Variants in MLXIP observed in about 807,000 individuals in gnomAD.
MLXIP encodes the protein MLX-interacting protein.
A neutral mutation model predicts 87.2 loss-of-function variants in MLXIP; 30 were observed. That is an observed-to-expected ratio of 0.34 (90% confidence interval 0.26 to 0.47). The LOEUF is 0.47. MLXIP is among the 20% of genes least tolerant of loss of function. The probability of loss-of-function intolerance (pLI) is 1.00; values close to 1 mark genes in which losing one functional copy is unlikely to be tolerated. For synonymous variants in MLXIP, 530 were observed against 514.0 expected (o/e 1.03, Z -0.42); for missense variants, 1,002 against 1,240.1 (o/e 0.81, Z 2.88).
At chr12:122,131,386 G>A (rs904974428) in intron 7 of MLXIP, among the ~76,000 whole-genome samples, 1 of 151,326 alleles carries the variant, frequency 6.6e-6, no homozygotes, top group Non-Finnish European at 1.5e-5. Context: ...CTCTGTCCAT[G>A]GCATCCCCCT....
chr12:122,126,448 G>A lies in MLXIP; in HGVS notation c.414-808G>A, dbSNP rs997960902. On this transcript the variant is annotated intron_variant, in intron 1 of 16. Transcript: ENST00000319080. ...AGGCCAGCTCAGAGGAGATGGTGTCGGGGGCAGCATCTTGAAGGATTAGGA... is the reference window on the plus strand; with the variant it reads ...AGGCCAGCTCAGAGGAGATGGTGTCAGGGGCAGCATCTTGAAGGATTAGGA... Among the ~76,000 whole-genome samples, 10 of 152,148 alleles carry A rather than the reference G, an allele frequency of 6.6e-5. No homozygotes were observed. The East Asian group carries it at 1.5e-3, about 23-fold the overall frequency.
chr12:122,136,493 G>A (rs984768558), intron 11 of MLXIP: 1 of 148,476 alleles, frequency 6.7e-6, no homozygotes. Flanking sequence ...GCAGGGCTTA[G>A]TGGCATGCAC....
chr12:122,135,623 C>A lies in MLXIP; in HGVS notation c.1989C>A (p.Val663=). The A allele has an allele frequency of 6.4e-7, 1 of 1,559,190 alleles. No individual in the cohort carries two copies. The highest frequency in any genetic ancestry group is 1.4e-5 in the African/African-American group (1 of 73,914). The part of the protein sequence containing the change: ...AQDPLGKGEQ[V]PLHGGSPQVT... ...ACCCCCTGGGGAAGGGCGAGCAGGT[C>A]CCGCTGCATGGGGGCAGCCCCCAGG... is the stretch of plus-strand genomic sequence containing the variant. The change falls in exon 11 of 17, where the codon GTC becomes GTA. Residue 663 remains valine (V), a synonymous_variant. Transcript: ENST00000319080. This position sits in a 1 kb window ranked among gnomAD's most constrained non-coding sequence, Gnocchi z 5.3.
chr12:122,081,806 A>G (rs1282691518), intron 1 of MLXIP, among the ~76,000 whole-genome samples: 2 of 152,162 alleles, frequency 1.3e-5, no homozygotes, highest in African/African-American at 4.8e-5. Context: ...GAGCTGAGAA[A>G]GGCCAGCTGG....
At chr12:122,102,121 G>C (rs1196786052) in intron 1 of MLXIP, among the ~76,000 whole-genome samples, 1 of 152,128 alleles carries the variant, frequency 6.6e-6, no homozygotes, top group Admixed American at 6.6e-5. Context: ...CATTGCAAGA[G>C]TAGTTTTCAA....
At position 122,138,848 on chromosome 12, in the gene MLXIP, C is replaced by T. The variant is rs749092628; in HGVS notation, c.2418C>T (p.Val806=). Residue 806 remains valine (V), a synonymous_variant, in exon 15 of 17, where the codon GTC becomes GTT. Coordinates refer to ENST00000319080, the MANE Select transcript of MLXIP (RefSeq NM_014938.6). The part of the protein sequence containing the change: ...SCQQLLPATG[V]PVTRRQFDHM... ...AGCAGCTGCTCCCTGCCACGGGAGT[C>T]CCCGTTACCCGGCGCCAGTTTGATC... 3 of 1,614,012 alleles carry T rather than the reference C, an allele frequency of 1.9e-6. No homozygotes were observed. The highest frequency in any genetic ancestry group is 2.7e-5 in the African/African-American group (2 of 75,068).
Position 122,135,872 on chromosome 12 carries a change from A to C in MLXIP, c.2032+206A>C. ...AATGTGGTGGCACTGGCAGGGCAAAAAGTAGTGAACATGTGGCAGTGTAGG... is the reference window on the plus strand; with the variant it reads ...AATGTGGTGGCACTGGCAGGGCAAACAGTAGTGAACATGTGGCAGTGTAGG... On this transcript the variant is annotated intron_variant, in intron 11 of 16. Coordinates refer to ENST00000319080, the MANE Select transcript of MLXIP (RefSeq NM_014938.6). The surrounding 1 kb of genome is among the most constrained non-coding windows in gnomAD (Gnocchi z 5.3). 1.6e-6 allele frequency: 1 copy of C among 620,372 alleles called. No homozygotes were observed. Among genetic ancestry groups the C allele is most frequent in the Non-Finnish European group, 2.6e-6 (1 of 381,924 alleles). 38.4% of individuals were successfully genotyped at this position (620,372 alleles called of 1,614,324 possible).
intron 1 of MLXIP, among the ~76,000 whole-genome samples, chr12:122,115,845 G>A (rs1302157502): frequency 6.6e-6 from 1 of 152,086 alleles, no homozygotes; most frequent in African/African-American, 2.4e-5. Flanking sequence ...CTGAGGTCAG[G>A]AGTTCAAGAC....
intron 5 of MLXIP, 90 bp downstream of exon 5, chr12:122,129,719 G>T (rs1952941345): frequency 1.3e-6 from 2 of 1,497,560 alleles, no homozygotes; most frequent in African/African-American, 1.4e-5. Flanking sequence ...GCAAAAGGCG[G>T]CAGGCCATGG....
chr12:122,128,179 C>G, intron 3 of MLXIP: 1 of 552,290 alleles, frequency 1.8e-6, no homozygotes, highest in Non-Finnish European at 3.3e-6. Context: ...AGGGACTGGC[C>G]CAGGGACTGA....
At chr12:122,095,940 C>T (rs1952344952) in intron 1 of MLXIP, among the ~76,000 whole-genome samples, 1 of 152,192 alleles carries the variant, frequency 6.6e-6, no homozygotes, top group South Asian at 2.1e-4. Context: ...TCTCAGCTCA[C>T]TGCAACCTCC....
intron 9 of MLXIP, chr12:122,134,325 G>T: frequency 3.0e-6 from 1 of 333,100 alleles, no homozygotes; most frequent in Non-Finnish European, 5.5e-6. Context: ...CTCCCGAGTA[G>T]TTGGGATTAC....
intron 1 of MLXIP, among the ~76,000 whole-genome samples, chr12:122,113,684 T>TTTTTC (rs2135945786): frequency 8.0e-6 from 1 of 124,326 alleles, no homozygotes; most frequent in African/African-American, 3.4e-5. Context: ...TTCATTTCTT[T>TTTTTC]TTTTTTTTTT....
At chr12:122,127,118 T>C (rs1446216574) in intron 1 of MLXIP, 138 bp from the exon 2 acceptor site, 4 of 728,492 alleles carry the variant, frequency 5.5e-6, no homozygotes, top group Non-Finnish European at 9.7e-6. Context: ...CCCAGTGACC[T>C]GAATTCCATG....
intron 1 of MLXIP, among the ~76,000 whole-genome samples, chr12:122,124,115 C>A (rs2135963128): frequency 6.6e-6 from 1 of 151,984 alleles, no homozygotes; most frequent in East Asian, 1.9e-4. Context: ...TGCTCCCACC[C>A]AAGGCGTGCT....
intron 1 of MLXIP, among the ~76,000 whole-genome samples, chr12:122,110,763 C>T (rs973076075): frequency 6.1e-5 from 9 of 146,906 alleles, no homozygotes; most frequent in African/African-American, 2.3e-4. Flanking sequence ...AGAGCTAGAT[C>T]CTGCTCTTCA....
At chr12:122,090,492 G>A (rs1419287983) in intron 1 of MLXIP, among the ~76,000 whole-genome samples, 2 of 118,718 alleles carry the variant, frequency 1.7e-5, no homozygotes, top group African/African-American at 7.1e-5. Context: ...GCGAGACTCT[G>A]TCTCAAAAAA....
intron 1 of MLXIP, among the ~76,000 whole-genome samples, chr12:122,083,212 G>C (rs1319680448): frequency 6.6e-6 from 1 of 152,086 alleles, no homozygotes; most frequent in Non-Finnish European, 1.5e-5. Context: ...CCTTATTTCA[G>C]GGAGCGTTGG....
chr12:122,120,428 G>A (rs551796389), intron 1 of MLXIP, among the ~76,000 whole-genome samples: 7 of 152,154 alleles, frequency 4.6e-5, no homozygotes, highest in East Asian at 1.9e-4. Context: ...CTCTCACTAC[G>A]TTACCCAGAC....
Sources: gnomAD v4.1 joint callset for allele counts (sites outside exome capture counted in the v4.1 genomes callset) on GRCh38, gnomAD v4.1.1 for gene constraint, Gnocchi (gnomAD v3.1) non-coding constraint, MANE v1.5 for transcripts, NCBI Gene and HGNC (gene_info 2026-07-23, HGNC 2026-07-21) for gene names.